PTPRD: variants seen among roughly 807,000 people sequenced by gnomAD.
PTPRD encodes the protein protein tyrosine phosphatase receptor type D.
A neutral mutation model predicts 214.5 loss-of-function variants in PTPRD; 34 were observed. That is an observed-to-expected ratio of 0.16 (90% confidence interval 0.12 to 0.21). The LOEUF is 0.21. PTPRD is among the 10% of genes least tolerant of loss of function. PTPRD has a pLI of 1.00. For missense variants in PTPRD, 2,545 were observed against 2,398.7 expected, an observed-to-expected ratio of 1.06 and a Z score of -1.27; for synonymous variants, 1,128 against 845.7, an observed-to-expected ratio of 1.33 and a Z score of -5.79.
intron 5 of PTPRD, among the ~76,000 whole-genome samples, 178 bp from the exon 6 acceptor site, chr9:9,767,029 T>G (rs1444750089): frequency 1.3e-5 from 2 of 151,590 alleles, no homozygotes; most frequent in Admixed American, 1.3e-4. Flanking sequence ...TAAAGCACAT[T>G]AAGACAAAAA....
At chr9:8,536,615 G>A (rs1400737001) in intron 14 of PTPRD, among the ~76,000 whole-genome samples, 2 of 151,924 alleles carry the variant, frequency 1.3e-5, no homozygotes, top group Admixed American at 6.6e-5. Context: ...CTAGAGAGCT[G>A]AGATTTAGTA....
At chr9:8,758,715 C>G (rs1045571223) in intron 11 of PTPRD, among the ~76,000 whole-genome samples, 1 of 151,578 alleles carries the variant, frequency 6.6e-6, no homozygotes, top group African/African-American at 2.4e-5. Flanking sequence ...ACAAGACAAA[C>G]ATTTCTTGTT....
chr9:10,181,622 A>C (rs151236684), intron 3 of PTPRD, among the ~76,000 whole-genome samples: 187 of 152,170 alleles, frequency 1.2e-3, no homozygotes, highest in African/African-American at 4.3e-3. Flanking sequence ...TCAGATACTA[A>C]GGTATATTAT....
chr9:10,221,630 G>A (rs1463423348), intron 3 of PTPRD, among the ~76,000 whole-genome samples: 2 of 151,916 alleles, frequency 1.3e-5, no homozygotes, highest in Non-Finnish European at 2.9e-5. Flanking sequence ...CTTTATATTA[G>A]AGTTGAGGGA....
At chr9:9,586,526 C>G (rs2091994729) in intron 7 of PTPRD, among the ~76,000 whole-genome samples, 1 of 151,804 alleles carries the variant, frequency 6.6e-6, no homozygotes, top group African/African-American at 2.4e-5. Context: ...CCTATACAAA[C>G]TATATTCAGG....
chr9:9,566,076 T>C (rs1158067408), intron 8 of PTPRD, among the ~76,000 whole-genome samples: 1 of 151,722 alleles, frequency 6.6e-6, no homozygotes, highest in Non-Finnish European at 1.5e-5. Context: ...CTTGCTTTTT[T>C]ATTCCTGCAC....
chr9:9,861,315 G>C (rs944921490), intron 5 of PTPRD, among the ~76,000 whole-genome samples: 2 of 152,130 alleles, frequency 1.3e-5, no homozygotes, highest in African/African-American at 4.8e-5. Context: ...TTTTGAGACA[G>C]AGTCTTGCTC....
chr9:9,795,572 G>A (rs1019695905), intron 5 of PTPRD, among the ~76,000 whole-genome samples: 17 of 152,116 alleles, frequency 1.1e-4, no homozygotes, highest in African/African-American at 4.1e-4. Context: ...GACGTCAAAA[G>A]GGAGTATACA....
intron 9 of PTPRD, among the ~76,000 whole-genome samples, chr9:9,196,647 G>T (rs1459466485): frequency 6.6e-6 from 1 of 152,154 alleles, no homozygotes; most frequent in Admixed American, 6.5e-5. Flanking sequence ...ACTTAATTCA[G>T]AGGGTTGTTG....
chr9:8,498,017 G>A (rs942224540), intron 25 of PTPRD, among the ~76,000 whole-genome samples: 1 of 152,082 alleles, frequency 6.6e-6, no homozygotes, highest in African/African-American at 2.4e-5. Context: ...TCTTTTTATA[G>A]GCACTACATA....
chr9:10,601,221 G>C (rs965539415), intron 2 of PTPRD, among the ~76,000 whole-genome samples: 1 of 151,596 alleles, frequency 6.6e-6, no homozygotes, highest in Admixed American at 6.6e-5. Flanking sequence ...GTAGAGTCAG[G>C]GAGACAGTAG....
At chr9:10,094,188 ATCC>A (rs1473620359) in intron 3 of PTPRD, among the ~76,000 whole-genome samples, 14 of 151,446 alleles carry the variant, frequency 9.2e-5, no homozygotes, top group Non-Finnish European at 1.5e-5. Context: ...TACTCTGTCT[ATCC>A]TCCTATTTAT....
Position 8,508,891 on chromosome 9 carries a change from C to CTGTGTGTGTGTG in PTPRD, c.1544-1469_1544-1458dup, listed in dbSNP as rs59265464. On this transcript the variant is annotated intron_variant, in intron 21 of 45. Coordinates refer to ENST00000381196, the MANE Select transcript of PTPRD (RefSeq NM_002839.4). ...TGTATATATATGTGTGTGTGTGTGTCTGTGTGTGTGTGTGTGTGTGTGTGT... is the reference window on the plus strand; with the variant it reads ...TGTATATATATGTGTGTGTGTGTGTCTGTGTGTGTGTGTGTGTGTGTGTGTGTGTGTGTGTGT... Among the ~76,000 whole-genome samples the CTGTGTGTGTGTG allele has an allele frequency of 1.2e-3, 175 of 140,506 alleles. 2 individuals carry two copies. Among genetic ancestry groups the CTGTGTGTGTGTG allele is most frequent in the Non-Finnish European group, 3.3e-4 (21 of 62,820 alleles). 92.2% of individuals were successfully genotyped at this position (140,506 alleles called of 152,430 possible).
intron 3 of PTPRD, among the ~76,000 whole-genome samples, chr9:10,333,777 T>C (rs2096794245): frequency 6.6e-6 from 1 of 151,972 alleles, no homozygotes; most frequent in East Asian, 2.0e-4. Flanking sequence ...TTTCTTCTCC[T>C]GTACATTTTA....
intron 5 of PTPRD, among the ~76,000 whole-genome samples, chr9:9,853,781 T>C (rs9299101): frequency 0.72 from 110,028 of 152,006 alleles, 41,234 homozygotes; most frequent in East Asian, 0.94. Flanking sequence ...TGGTCTCAAT[T>C]TCTTGACCTC....
chr9:9,978,310 G>C (rs996688433), intron 4 of PTPRD, among the ~76,000 whole-genome samples: 1 of 152,062 alleles, frequency 6.6e-6, no homozygotes, highest in African/African-American at 2.4e-5. Context: ...AAAAAAGGTG[G>C]AGAACATAGA....
chr9:8,322,946 C>A (rs1419315139), intron 44 of PTPRD, among the ~76,000 whole-genome samples: 1 of 152,112 alleles, frequency 6.6e-6, no homozygotes, highest in Non-Finnish European at 1.5e-5. Flanking sequence ...TCAAGAATTA[C>A]ACTAAATATA....
At chr9:8,390,296 A>T (rs1285347744) in intron 36 of PTPRD, among the ~76,000 whole-genome samples, 2 of 151,996 alleles carry the variant, frequency 1.3e-5, no homozygotes, top group East Asian at 3.9e-4. Context: ...AACTTCCCAA[A>T]CTCATCTCAT....
At chr9:9,356,647 A>T (rs1313268980) in intron 9 of PTPRD, among the ~76,000 whole-genome samples, 3 of 151,468 alleles carry the variant, frequency 2.0e-5, no homozygotes, top group Non-Finnish European at 3.0e-5. Flanking sequence ...AAGGTTAATT[A>T]TGTTTATCAG....
Sources: gnomAD v4.1 joint callset for allele counts (sites outside exome capture counted in the v4.1 genomes callset) on GRCh38, gnomAD v4.1.1 for gene constraint, MANE v1.5 for transcripts, NCBI Gene and HGNC (gene_info 2026-07-23, HGNC 2026-07-21) for gene names.